Variants in SEL1L3 observed in about 807,000 individuals in gnomAD.
SEL1L3 encodes SEL1L family member 3.
A neutral mutation model predicts 142.8 loss-of-function variants in SEL1L3; 76 were observed. The ratio of observed to expected loss-of-function variants is 0.53; its 90% CI spans 0.44 to 0.64. The LOEUF (loss-of-function observed/expected upper bound fraction) is 0.64. SEL1L3 is among the 30% of genes least tolerant of loss of function. The pLI is 0.00. For synonymous variants in SEL1L3, 504 were observed against 519.6 expected, an observed-to-expected ratio of 0.97 and a Z score of 0.41; for missense variants, 1,262 against 1,381.7, an observed-to-expected ratio of 0.91 and a Z score of 1.37.
Position 25,779,938 on chromosome 4 carries a change from C to T in SEL1L3, c.2458-735G>A, listed in dbSNP as rs185418306. ...AATTTCCTTCCACTAAAAAATGTGC[C>T]TTCAGATAGCACCTAGAGTGAAGGG... On this transcript the variant is annotated intron_variant, in intron 15 of 23. Coordinates refer to ENST00000399878, the MANE Select transcript of SEL1L3 (RefSeq NM_015187.5). 8.7e-4 allele frequency among the ~76,000 whole-genome samples: 133 copies of T among 152,212 alleles called. 1 individual carries two copies. Among genetic ancestry groups the T allele is most frequent in the African/African-American group, 3.1e-3 (128 of 41,514 alleles).
At position 25,758,946 on chromosome 4, in the gene SEL1L3, G is replaced by A. The variant is rs1471196233; in HGVS notation, c.3078C>T (p.Tyr1026=). ...SNNISILQEL[Y]ERCWSHSNEE... ...TCTAGAGGCTCTGAGCTCACCTTTCGTACAGTTCCTGGAGAATGGAGATGT... is the reference window on the plus strand; with the variant it reads ...TCTAGAGGCTCTGAGCTCACCTTTCATACAGTTCCTGGAGAATGGAGATGT... Residue 1026 remains tyrosine (Y), a synonymous_variant, in exon 21 of 24, where the codon TAC becomes TAT. Transcript: ENST00000399878. 38 of 1,613,214 alleles carry A rather than the reference G, an allele frequency of 2.4e-5. No homozygotes were observed. In the Middle Eastern group the frequency reaches 4.9e-4, roughly 21 times the overall value.
rs993378256 is a variant in SEL1L3 at position 25,753,730 on chromosome 4, TC to T, written c.3259+3803del. Among the ~76,000 whole-genome samples, 7 of 152,376 alleles carry T rather than the reference TC, an allele frequency of 4.6e-5. No homozygotes were observed. In the East Asian group the frequency reaches 1.3e-3, roughly 29 times the overall value. ...CAGGCACAGTGGCTTATGCCTGTAG[TC>T]CCAGCACTTTGGGAGTCCAAGGCAG... On this transcript the variant is annotated intron_variant, in intron 23 of 23. Coordinates refer to ENST00000399878, the MANE Select transcript of SEL1L3 (RefSeq NM_015187.5).
chr4:25,789,418 A>G (rs1712117652), intron 12 of SEL1L3, among the ~76,000 whole-genome samples: 1 of 151,936 alleles, frequency 6.6e-6, no homozygotes, highest in Non-Finnish European at 1.5e-5. Flanking sequence ...CATTTCTACA[A>G]AAAAATTAAA....
At chr4:25,720,582 A>C in the SEL1L3 span, 1 of 152,226 alleles carries the variant, frequency 6.6e-6, no homozygotes, top group Non-Finnish European at 1.5e-5. Context: ...AATACCAGGC[A>C]GCGGCTTCAA....
the SEL1L3 span, among the ~76,000 whole-genome samples, chr4:25,727,122 G>A: frequency 1.3e-4 from 20 of 151,902 alleles, no homozygotes; most frequent in Non-Finnish European, 2.6e-4. Flanking sequence ...GTGGGATCTC[G>A]GTTCACTGCA....
At chr4:25,757,097 G>T (rs150209419) in intron 23 of SEL1L3, among the ~76,000 whole-genome samples, 1 of 151,750 alleles carries the variant, frequency 6.6e-6, no homozygotes, top group African/African-American at 2.4e-5. Flanking sequence ...GTGAAACCCC[G>T]TCTCTACTAA....
At chr4:25,734,504 C>G in the SEL1L3 span, among the ~76,000 whole-genome samples, 3 of 152,170 alleles carry the variant, frequency 2.0e-5, no homozygotes, top group Non-Finnish European at 2.9e-5. Flanking sequence ...ATAAACTACA[C>G]TAGATCATAA....
At position 25,781,656 on chromosome 4, in the gene SEL1L3, G is replaced by A. The variant is rs534997586; in HGVS notation, c.2457+586C>T. The stretch of plus-strand genomic sequence containing the variant: ...CACTCCACTAAGTGTGTGACCCTAC[G>A]TTACTTAACTTCGCAGAACCTCAGT... On this transcript the variant is annotated intron_variant, in intron 15 of 23. Transcript: ENST00000399878. Among the ~76,000 whole-genome samples, 15 of 152,186 alleles carry A rather than the reference G, an allele frequency of 9.9e-5. No homozygotes were observed. The South Asian group carries it at 1.5e-3, about 15-fold the overall frequency.
intron 1 of SEL1L3, among the ~76,000 whole-genome samples, chr4:25,859,247 C>A (rs1046502044): frequency 2.0e-5 from 3 of 152,214 alleles, no homozygotes; most frequent in Non-Finnish European, 4.4e-5. Context: ...ATTTCATTAT[C>A]TTTTGCTTTC....
intron 6 of SEL1L3, among the ~76,000 whole-genome samples, chr4:25,829,545 G>T (rs1379952738): frequency 6.6e-6 from 1 of 152,108 alleles, no homozygotes; most frequent in Non-Finnish European, 1.5e-5. Context: ...GATTATACGT[G>T]GATGTAGAAG....
chr4:25,856,593 T>TAAAA (rs397765802), intron 1 of SEL1L3, among the ~76,000 whole-genome samples: 25 of 117,064 alleles, frequency 2.1e-4, no homozygotes, highest in Non-Finnish European at 3.3e-4. Context: ...GTATTGTAAT[T>TAAAA]AAAAAAAAAA....
Position 25,804,454 on chromosome 4 carries a change from A to G in SEL1L3, c.1776+87T>C, listed in dbSNP as rs777651241. On this transcript the variant is annotated intron_variant, in intron 10 of 23. Coordinates refer to ENST00000399878, the MANE Select transcript of SEL1L3 (RefSeq NM_015187.5). Reference sequence around the variant, plus strand: ...TTAAAGGTCTCCAAGGAGCTGCAACATGTCCAGTTCTACCAGGGGCACGAG... The same window carrying G: ...TTAAAGGTCTCCAAGGAGCTGCAACGTGTCCAGTTCTACCAGGGGCACGAG... 5.0e-4 allele frequency: 473 copies of G among 952,116 alleles called. 1 individual carries two copies. Among genetic ancestry groups the G allele is most frequent in the Middle Eastern group, 1.2e-3 (5 of 4,162 alleles). 59.0% of individuals were successfully genotyped at this position (952,116 alleles called of 1,614,324 possible).
At position 25,835,327 on chromosome 4, in the gene SEL1L3, C is replaced by T. The variant is rs1715747369; in HGVS notation, c.734-4G>A. The T allele has an allele frequency of 6.2e-7, 1 of 1,613,526 alleles. No individual in the cohort carries two copies. The highest frequency in any genetic ancestry group is 8.5e-7 in the Non-Finnish European group (1 of 1,179,574). On this transcript the variant is annotated splice_polypyrimidine_tract_variant and splice_region_variant and intron_variant, in intron 2 of 23. Transcript: ENST00000399878. The stretch of plus-strand genomic sequence containing the variant: ...AAGCCAAGCAGGGCAACCACATCTG[C>T]AAACAGCAAAATGGCTCCCTTTCAA...
rs1717823777 is a variant in SEL1L3 at position 25,862,817 on chromosome 4, C to T, written c.20G>A (p.Gly7Glu). ...CTGCTGCTGCCGCGGCCACCCGAGCCCCGCGCCGCGCCGCTGCATGGCGAG... is the reference window on the plus strand; with the variant it reads ...CTGCTGCTGCCGCGGCCACCCGAGCTCCGCGCCGCGCCGCTGCATGGCGAG... MQRRGA[G>E]LGWPRQQQQQ... is the part of the protein sequence containing the mutation. The change falls in exon 1 of 24, where the codon GGG becomes GAG. Residue 7 changes from glycine (G) to glutamate (E), a missense_variant. Gly to Glu is a moderately conservative substitution (Grantham distance 98). Around this residue, in one of 3 missense-constraint regions of SEL1L3, gnomAD observed 689 missense variants for 692.8 expected, o/e 0.99. Transcript: ENST00000399878. The T allele has an allele frequency of 8.7e-7, 1 of 1,144,186 alleles. No individual in the cohort carries two copies. The highest frequency in any genetic ancestry group is 1.1e-6 in the Non-Finnish European group (1 of 933,150). The allele number at this position is 1,144,186 out of a possible 1,614,324, so 70.9% of individuals were successfully genotyped here.
chr4:25,741,668 A>G, the SEL1L3 span, among the ~76,000 whole-genome samples: 777 of 152,300 alleles, frequency 5.1e-3, 5 homozygotes, highest in African/African-American at 0.018. Context: ...ACCTAAATGC[A>G]CCAACTTTGA....
intron 9 of SEL1L3, among the ~76,000 whole-genome samples, chr4:25,815,166 C>T (rs923784707): frequency 5.9e-5 from 9 of 152,172 alleles, no homozygotes; most frequent in African/African-American, 1.7e-4. Flanking sequence ...TATGGTCCCT[C>T]GGGGGAAGCT....
chr4:25,773,911 T>C (rs902172190), intron 17 of SEL1L3, among the ~76,000 whole-genome samples: 3 of 152,208 alleles, frequency 2.0e-5, no homozygotes, highest in African/African-American at 7.2e-5. Flanking sequence ...CATCCATTAC[T>C]TCTATCATGA....
At chr4:25,767,651 C>T (rs200162445) in intron 18 of SEL1L3, 42 bp from the exon 19 acceptor site, 305 of 1,501,482 alleles carry the variant, frequency 2.0e-4, no homozygotes, top group African/African-American at 1.2e-3. Flanking sequence ...ATTAATATTT[C>T]GGCCAAGTGA....
At chr4:25,727,129 T>A in the SEL1L3 span, among the ~76,000 whole-genome samples, 2 of 152,110 alleles carry the variant, frequency 1.3e-5, no homozygotes, top group East Asian at 3.9e-4. Context: ...CTCGGTTCAC[T>A]GCAACCTCCG....
Sources: allele counts gnomAD v4.1 joint callset (sites outside exome capture counted in the v4.1 genomes callset), GRCh38; gene constraint gnomAD v4.1.1; regional missense constraint gnomAD v4.1.1; transcripts MANE v1.5; gene names NCBI Gene and HGNC (gene_info 2026-07-23, HGNC 2026-07-21).